CSF2RB: variants seen among roughly 807,000 people sequenced by gnomAD.
CSF2RB encodes the protein colony stimulating factor 2 receptor subunit beta.
Under a neutral mutation model 67.2 loss-of-function variants are expected in CSF2RB, and 22 were observed. The ratio of observed to expected loss-of-function variants is 0.33; its 90% CI spans 0.23 to 0.47. CSF2RB has a LOEUF of 0.47. CSF2RB is among the 20% of genes least tolerant of loss of function. The pLI is 1.00. For missense variants in CSF2RB, 1,113 were observed against 1,174.5 expected, an observed-to-expected ratio of 0.95 and a Z score of 0.76; for synonymous variants, 507 against 482.9, an observed-to-expected ratio of 1.05 and a Z score of -0.65.
In CSF2RB at chr22:36,935,635, G is replaced by T. The variant is rs573228861; in HGVS notation, c.1412G>T (p.Arg471Leu). 2 of 1,614,068 alleles carry T rather than the reference G, an allele frequency of 1.2e-6. No individual in the cohort carries two copies. The highest frequency in any genetic ancestry group is 1.3e-5 in the African/African-American group (1 of 74,944). Residue 471 changes from arginine (R) to leucine (L), a missense_variant, in exon 12 of 14, where the codon CGC (arginine) becomes CTC (leucine). Transcript: ENST00000403662. ...ACCTCCGTGGTGTCTTCCAGGCTGC[G>T]CAGAAAGTGGGAGGAGAAGATCCCC... ...RFCGIYGYRL[R>L]RKWEEKIPNP... is the part of the protein sequence containing the mutation.
intron 8 of CSF2RB, among the ~76,000 whole-genome samples, 176 bp from the exon 9 acceptor site, chr22:36,932,589 A>G (rs1601590195): frequency 1.3e-5 from 2 of 152,354 alleles, no homozygotes; most frequent in Admixed American, 1.3e-4. Context: ...CTCCCACGAG[A>G]ATACCACTCA....
intron 1 of CSF2RB, among the ~76,000 whole-genome samples, chr22:36,921,216 A>G (rs7410682): frequency 0.45 from 66,348 of 147,624 alleles, 16,477 homozygotes; most frequent in Admixed American, 0.58. Flanking sequence ...TGTGTTGTTC[A>G]TGTGTGTATG....
In CSF2RB at chr22:36,936,594, A is replaced by G. The variant is rs1213340581; in HGVS notation, c.1510A>G (p.Thr504Ala). The change falls in exon 13 of 14, where the codon ACT (threonine) becomes GCT (alanine). Residue 504 changes from threonine to alanine, a missense_variant. Transcript: ENST00000403662. The part of the protein sequence containing the change: ...LWPPGSMSAF[T>A]SGSPPHQGPW... ...GCCCCCAGGCAGCATGTCGGCCTTC[A>G]CTAGCGGGAGTCCCCCACACCAGGG... The G allele has an allele frequency of 6.2e-7, 1 of 1,613,608 alleles. No homozygotes were observed. The highest frequency in any genetic ancestry group is 2.2e-5 in the East Asian group (1 of 44,870).
intron 3 of CSF2RB, among the ~76,000 whole-genome samples, chr22:36,924,519 GC>G (rs1682350203): frequency 6.6e-6 from 1 of 152,102 alleles, no homozygotes; most frequent in Non-Finnish European, 1.5e-5. Context: ...CAACCCTGCG[GC>G]CCCTCTTTCT....
At chr22:36,930,647 G>A (rs1341802729) in intron 7 of CSF2RB, 26 bp from the exon 8 acceptor site, 2 of 1,611,694 alleles carry the variant, frequency 1.2e-6, no homozygotes, top group East Asian at 2.2e-5. Flanking sequence ...CCCTCTCCCT[G>A]CCCTCAGCTC....
At position 36,934,587 on chromosome 22, in the gene CSF2RB, C is replaced by G. The variant is rs180911084; in HGVS notation, c.1315+593C>G. ...AAGCAAGAAAATCTAGAGCCACAGA[C>G]TGGGTCCTTGGATTGGAAGGTTTTG... On this transcript the variant is annotated intron_variant, in intron 10 of 13. Transcript: ENST00000403662. Among the ~76,000 whole-genome samples, 224 of 152,142 alleles carry G rather than the reference C, an allele frequency of 1.5e-3. 1 individual carries two copies. The highest frequency in any genetic ancestry group is 5.3e-3 in the African/African-American group (220 of 41,590).
chr22:36,937,913 C>A lies in CSF2RB; in HGVS notation c.2105C>A (p.Thr702Asn), dbSNP rs745479552. Reference sequence around the variant, plus strand: ...GCTATACCCATGAGCTCTGGGGACACTGAGGACCCTGGAGTGGCCTCTGGT... The same window carrying A: ...GCTATACCCATGAGCTCTGGGGACAATGAGGACCCTGGAGTGGCCTCTGGT... ...PVAIPMSSGD[T>N]EDPGVASGYV... The change falls in exon 14 of 14, where the codon ACT becomes AAT. Residue 702 changes from threonine (T) to asparagine (N), a missense_variant. By Grantham distance (65) the Thr-to-Asn change is moderately conservative (BLOSUM62 0). This residue lies in a region of CSF2RB where 554 missense variants were observed against 517.9 expected (regional missense o/e 1.07). Transcript: ENST00000403662. This position sits in a 1 kb window ranked among gnomAD's most constrained non-coding sequence, Gnocchi z 4.6. The A allele has an allele frequency of 5.0e-5, 80 of 1,614,056 alleles. No homozygotes were observed. Among genetic ancestry groups the A allele is most frequent in the Non-Finnish European group, 6.2e-5 (73 of 1,180,018 alleles).
chr22:36,923,810 C>T (rs1270969875), intron 3 of CSF2RB: 1 of 1,287,954 alleles, frequency 7.8e-7, no homozygotes, highest in Non-Finnish European at 1.0e-6. Context: ...AAAACTGAGG[C>T]CCTGGAGGTG....
rs1334841397 is a variant in CSF2RB at position 36,935,733 on chromosome 22, G to A, written c.1464+46G>A. On this transcript the variant is annotated intron_variant, in intron 12 of 13. Coordinates refer to ENST00000403662, the MANE Select transcript of CSF2RB (RefSeq NM_000395.3). ...GCGGAGTGGGGGCTTCTCTGTTCCT[G>A]CCTCTCTTGTCTCTGTCCCCACCTC... 1.5e-5 allele frequency: 23 copies of A among 1,583,346 alleles called. No individual in the cohort carries two copies. The Admixed American group carries it at 4.0e-4, about 28-fold the overall frequency.
rs1484617176 is a variant in CSF2RB, at chr22:36,933,472, C to G, written c.1153-360C>G. Among the ~76,000 whole-genome samples, 3 of 152,156 alleles carry G rather than the reference C, an allele frequency of 2.0e-5. No individual in the cohort carries two copies. In the East Asian group the frequency reaches 5.8e-4, roughly 29 times the overall value. On this transcript the variant is annotated intron_variant, in intron 9 of 13. Coordinates refer to ENST00000403662, the MANE Select transcript of CSF2RB (RefSeq NM_000395.3). ...GGTCCTGAACCCCCATTCTCAGGGT[C>G]CAGAGTCCAGTCGGCCTGCACTGCG...
intron 9 of CSF2RB, 100 bp from the exon 10 acceptor site, chr22:36,933,732 A>G (rs1336483448): frequency 6.8e-7 from 1 of 1,467,348 alleles, no homozygotes; most frequent in Non-Finnish European, 9.2e-7. Context: ...GGGGTATGGC[A>G]GGAGCTAGGA....
chr22:36,915,009 C>A (rs537014937), intron 1 of CSF2RB, among the ~76,000 whole-genome samples: 1 of 152,302 alleles, frequency 6.6e-6, no homozygotes, highest in African/African-American at 2.4e-5. Flanking sequence ...TTCTTTTCAC[C>A]ACATGTATTC....
Position 36,930,804 on chromosome 22 carries a change from A to G in CSF2RB, c.986A>G (p.Glu329Gly), listed in dbSNP as rs986241313. 1 of 1,614,060 alleles carries G rather than the reference A, an allele frequency of 6.2e-7. No individual in the cohort carries two copies. The highest frequency in any genetic ancestry group is 8.5e-7 in the Non-Finnish European group (1 of 1,180,054). Residue 329 changes from glutamate to glycine, a missense_variant, in exon 8 of 14, where the codon GAG becomes GGG. By Grantham distance (98) the Glu-to-Gly change is moderately conservative (BLOSUM62 -2). Transcript: ENST00000403662. Reference protein sequence around the residue: ...YIVSVQPRRAEKHIKSSVNIQ... With the variant: ...YIVSVQPRRAGKHIKSSVNIQ... ...GTCTCTGTTCAGCCAAGGAGGGCAG[A>G]GAAACACATAAAGAGCTCAGTGAAC...
At chr22:36,915,180 G>A (rs1940690520) in intron 1 of CSF2RB, among the ~76,000 whole-genome samples, 2 of 152,068 alleles carry the variant, frequency 1.3e-5, no homozygotes, top group South Asian at 4.1e-4. Flanking sequence ...TGCCTCCCGG[G>A]TTCAGGTGAT....
chr22:36,939,273 G>C lies in CSF2RB; in HGVS notation c.*771G>C, dbSNP rs6000496. The C allele has an allele frequency of 0.014, 10,177 of 702,074 alleles. 713 individuals carry two copies. The African/African-American group carries it at 0.16, about 11-fold the overall frequency. 43.5% of individuals were successfully genotyped at this position (702,074 alleles called of 1,614,324 possible). The stretch of plus-strand genomic sequence containing the variant: ...TAGAGAAGTTAACGGCCCAAGTGGT[G>C]GGCAGGCTGGCGGGACCTGGGGAAC... On this transcript the variant is annotated 3_prime_UTR_variant, in exon 14 of 14. Transcript: ENST00000403662.
intron 10 of CSF2RB, among the ~76,000 whole-genome samples, chr22:36,934,398 A>T (rs1246447268): frequency 6.6e-6 from 1 of 152,216 alleles, no homozygotes; most frequent in East Asian, 1.9e-4. Context: ...GGTGTTCAGT[A>T]CAGACTGCAA....
At position 36,929,487 on chromosome 22, in the gene CSF2RB, C is replaced by T; in HGVS notation, c.477C>T (p.Pro159=). The T allele has an allele frequency of 1.2e-6, 2 of 1,614,214 alleles. No homozygotes were observed. Among genetic ancestry groups the T allele is most frequent in the South Asian group, 2.2e-5 (2 of 91,088 alleles). The stretch of plus-strand genomic sequence containing the variant: ...CCTGGAGTGTGGCCCTTGGGAGTCC[C>T]CAGAGCCACTGGTTGTCCCCAGGGG... ...LLTWSVALGS[P]QSHWLSPGDL... The change falls in exon 5 of 14, where the codon CCC becomes CCT. Residue 159 remains proline (P), a synonymous_variant. Coordinates refer to ENST00000403662, the MANE Select transcript of CSF2RB (RefSeq NM_000395.3).
chr22:36,914,640 G>A (rs1940678290), intron 1 of CSF2RB, among the ~76,000 whole-genome samples: 1 of 152,138 alleles, frequency 6.6e-6, no homozygotes, highest in South Asian at 2.1e-4. Context: ...ACAGGTGCTA[G>A]CGACAAGCTG....
chr22:36,925,370 C>T (rs764997799), intron 3 of CSF2RB, among the ~76,000 whole-genome samples: 18 of 152,188 alleles, frequency 1.2e-4, no homozygotes, highest in African/African-American at 4.3e-4. Context: ...ACATTCCCAC[C>T]TCAGTCTATT....
Sources: gnomAD v4.1 joint callset for allele counts (sites outside exome capture counted in the v4.1 genomes callset) on GRCh38, gnomAD v4.1.1 for gene constraint, gnomAD v4.1.1 regional missense constraint, Gnocchi (gnomAD v3.1) non-coding constraint, MANE v1.5 for transcripts, NCBI Gene and HGNC (gene_info 2026-07-23, HGNC 2026-07-21) for gene names.